SMARCA2: variants seen among roughly 807,000 people sequenced by gnomAD.
SMARCA2 encodes the protein SWI/SNF related BAF chromatin remodeling complex subunit ATPase 2.
SMARCA2 carries 61 observed loss-of-function variants against 199.8 expected under a neutral mutation model. That is an observed-to-expected ratio of 0.31 (90% CI 0.25 to 0.38). The LOEUF is 0.38. Among genes scored for constraint, SMARCA2 ranks in the 10% least tolerant of loss-of-function variants. SMARCA2 has a pLI of 1.00. For synonymous variants in SMARCA2, 935 were observed against 732.0 expected (o/e 1.28, Z -4.48); for missense variants, 1,344 against 2,012.2 (o/e 0.67, Z 6.35).
intron 27 of SMARCA2, among the ~76,000 whole-genome samples, chr9:2,141,787 A>G (rs117234994): frequency 0.029 from 4,442 of 152,248 alleles, 105 homozygotes; most frequent in Non-Finnish European, 0.045. Context: ...CTATAGGACT[A>G]TGGGAGTTTA....
chr9:2,176,783 C>G (rs1826640234), intron 29 of SMARCA2, among the ~76,000 whole-genome samples: 1 of 150,926 alleles, frequency 6.6e-6, no homozygotes, highest in Admixed American at 6.6e-5. Flanking sequence ...GTCTTGAATT[C>G]CTGAGCTCAA....
chr9:2,142,525 T>C (rs1354846318), intron 27 of SMARCA2, among the ~76,000 whole-genome samples: 1 of 152,184 alleles, frequency 6.6e-6, no homozygotes, highest in Admixed American at 6.5e-5. Flanking sequence ...GCAAGGGTGA[T>C]TCCATTTTGG....
chr9:2,073,945 G>T (rs1363883964), intron 12 of SMARCA2, among the ~76,000 whole-genome samples: 4 of 152,094 alleles, frequency 2.6e-5, no homozygotes, highest in Non-Finnish European at 4.4e-5. Flanking sequence ...ATTACCTTGG[G>T]AAAGGCCATA....
At chr9:2,051,691 A>G (rs1443753818) in intron 5 of SMARCA2, among the ~76,000 whole-genome samples, 2 of 152,248 alleles carry the variant, frequency 1.3e-5, no homozygotes, top group African/African-American at 4.8e-5. Context: ...TCAAATAAGA[A>G]AGATCTGCAA....
intron 19 of SMARCA2, among the ~76,000 whole-genome samples, chr9:2,095,285 T>A (rs1487872695): frequency 2.6e-5 from 4 of 151,944 alleles, no homozygotes; most frequent in Non-Finnish European, 5.9e-5. Context: ...GGGGTTTCAT[T>A]ATGTTGGTCA....
At chr9:2,132,843 A>G (rs1003877545) in intron 27 of SMARCA2, among the ~76,000 whole-genome samples, 2 of 152,210 alleles carry the variant, frequency 1.3e-5, no homozygotes, top group African/African-American at 4.8e-5. Context: ...AGAACTTTGT[A>G]TAATTTTTAT....
At chr9:2,095,100 T>C (rs1396769299) in intron 19 of SMARCA2, among the ~76,000 whole-genome samples, 1 of 152,012 alleles carries the variant, frequency 6.6e-6, no homozygotes, top group Non-Finnish European at 1.5e-5. Flanking sequence ...TTTTTTTTTT[T>C]TTTGAGACAG....
At chr9:2,093,862 C>T (rs1268622167) in intron 19 of SMARCA2, among the ~76,000 whole-genome samples, 1 of 152,172 alleles carries the variant, frequency 6.6e-6, no homozygotes, top group South Asian at 2.1e-4. Flanking sequence ...CTGAAAGTAA[C>T]TCATATCTTG....
chr9:2,048,043 A>C (rs1167071463), intron 5 of SMARCA2: 1 of 152,154 alleles, frequency 6.6e-6, no homozygotes, highest in Non-Finnish European at 1.5e-5. Context: ...AGAGCCAGAT[A>C]GTCAATGTTT....
At chr9:2,174,458 A>T (rs2129774734) in intron 29 of SMARCA2, among the ~76,000 whole-genome samples, 1 of 152,314 alleles carries the variant, frequency 6.6e-6, no homozygotes, top group Non-Finnish European at 1.5e-5. Context: ...CAGCCATTGT[A>T]GGAAAAAGCA....
chr9:2,146,436 C>A (rs1824749286), intron 27 of SMARCA2, among the ~76,000 whole-genome samples: 1 of 152,072 alleles, frequency 6.6e-6, no homozygotes, highest in Non-Finnish European at 1.5e-5. Context: ...TACCGGATCC[C>A]ACCACTTACT....
intron 4 of SMARCA2, chr9:2,045,411 C>G (rs1431118851): frequency 1.3e-5 from 2 of 152,062 alleles, no homozygotes; most frequent in Non-Finnish European, 2.9e-5. Flanking sequence ...TAGAGCAACC[C>G]AAATGAAAAA....
chr9:2,039,793 A>T lies in SMARCA2; in HGVS notation c.683A>T (p.Gln228Leu). 1 of 1,595,840 alleles carries T rather than the reference A, an allele frequency of 6.3e-7. No homozygotes were observed. Among genetic ancestry groups the T allele is most frequent in the Non-Finnish European group, 8.6e-7 (1 of 1,167,922 alleles). Residue 228 changes from glutamine (Q) to leucine (L), a missense_variant, in exon 4 of 34, where the codon CAG becomes CTG. Gln to Leu is a moderately radical substitution (Grantham distance 113). This residue lies in a region of SMARCA2 where 117 missense variants were observed against 99.1 expected (regional missense o/e 1.18). Transcript: ENST00000349721. The surrounding 1 kb of genome is among the most constrained non-coding windows in gnomAD (Gnocchi z 4.8). ...CAGCAGCAACAGCAGCAGCAGCAGC[A>T]GCAGCAGCAGCAGCAGCAGCAGCAA... ...QQQQQQQQQQ[Q>L]QQQQQQQQQQ...
At chr9:2,043,036 T>C (rs995787257) in intron 4 of SMARCA2, 2 of 152,154 alleles carry the variant, frequency 1.3e-5, no homozygotes, top group Non-Finnish European at 2.9e-5. Context: ...TAAGGCATGA[T>C]TTTCTTGTTA....
chr9:2,146,137 A>G (rs1203836016), intron 27 of SMARCA2, among the ~76,000 whole-genome samples: 2 of 152,228 alleles, frequency 1.3e-5, no homozygotes, highest in African/African-American at 4.8e-5. Flanking sequence ...GCACCAGCAG[A>G]TTCCATGTCT....
At chr9:2,102,035 T>C (rs1037746679) in intron 22 of SMARCA2, among the ~76,000 whole-genome samples, 1 of 152,176 alleles carries the variant, frequency 6.6e-6, no homozygotes, top group African/African-American at 2.4e-5. Context: ...AGTCATTTGT[T>C]AGAGTGTGGT....
chr9:2,042,225 C>T (rs1040890942), intron 4 of SMARCA2: 1 of 152,092 alleles, frequency 6.6e-6, no homozygotes, highest in Non-Finnish European at 1.5e-5. Context: ...AGAGTATTAA[C>T]TAGGAGAATT....
intron 9 of SMARCA2, among the ~76,000 whole-genome samples, chr9:2,069,274 G>A (rs974294763): frequency 5.9e-5 from 9 of 151,696 alleles, no homozygotes; most frequent in Non-Finnish European, 1.0e-4. Flanking sequence ...AGAAGTTAAT[G>A]GACTAAGATA....
At position 2,193,078 on chromosome 9, in the gene SMARCA2, C is replaced by T. The variant is rs927103649; in HGVS notation, c.*339C>T. The T allele has an allele frequency of 4.5e-6, 1 of 220,882 alleles. No homozygotes were observed. Among genetic ancestry groups the T allele is most frequent in the Non-Finnish European group, 8.8e-6 (1 of 113,516 alleles). 13.7% of individuals were successfully genotyped at this position (220,882 alleles called of 1,614,324 possible). A position where few individuals can be genotyped will look rare whatever the true frequency, so the allele number is the denominator to read the frequency against. On this transcript the variant is annotated 3_prime_UTR_variant, in exon 34 of 34. Coordinates refer to ENST00000349721, the MANE Select transcript of SMARCA2 (RefSeq NM_003070.5). Reference sequence around the variant, plus strand: ...ATTGTGCCTGGTTTTATCACCTGTTCAGATGAGAAGATTTTTGTCTTTTGT... The same window carrying T: ...ATTGTGCCTGGTTTTATCACCTGTTTAGATGAGAAGATTTTTGTCTTTTGT...
Sources: allele counts gnomAD v4.1 joint callset (sites outside exome capture counted in the v4.1 genomes callset), GRCh38; gene constraint gnomAD v4.1.1; regional missense constraint gnomAD v4.1.1; non-coding constraint Gnocchi (gnomAD v3.1); transcripts MANE v1.5; gene names NCBI Gene and HGNC (gene_info 2026-07-23, HGNC 2026-07-21).